WHR1: variants seen among roughly 807,000 people sequenced by gnomAD.
WHR1 encodes the protein winged helix repair factor 1.
chr6:31,975,731 T>C, the WHR1 span, among the ~76,000 whole-genome samples: 1 of 152,170 alleles, frequency 6.6e-6, no homozygotes, highest in Admixed American at 6.5e-5. Context: ...TCCCCACCTT[T>C]TCCCGCTTTC....
the WHR1 span, chr6:31,972,406 C>T: frequency 1.9e-6 from 3 of 1,612,958 alleles, no homozygotes; most frequent in African/African-American, 2.7e-5. The surrounding 1 kb of genome is among the most constrained non-coding windows in gnomAD (Gnocchi z 6.3). Context: ...CATAAAATCC[C>T]GGGATATGAG....
chr6:31,971,693 A>G, the WHR1 span: 3 of 1,587,770 alleles, frequency 1.9e-6, no homozygotes, highest in African/African-American at 2.7e-5. This position sits in a 1 kb window ranked among gnomAD's most constrained non-coding sequence, Gnocchi z 4.5. Context: ...TAAGACAAGC[A>G]GGGGTACAGA....
At chr6:31,979,427 G>C in the WHR1 span, 159 of 1,612,830 alleles carry the variant, frequency 9.9e-5, 1 homozygote, top group Non-Finnish European at 1.3e-4. Context: ...CTCAAGGCCT[G>C]TGATGGCCGA....
At chr6:31,976,317 A>G in the WHR1 span, among the ~76,000 whole-genome samples, 1 of 146,816 alleles carries the variant, frequency 6.8e-6, no homozygotes, top group African/African-American at 2.6e-5. Flanking sequence ...GATGCTCCTC[A>G]CTTCTCAGAC....
At chr6:31,971,479 G>A in the WHR1 span, 1 of 1,614,142 alleles carries the variant, frequency 6.2e-7, no homozygotes, top group Admixed American at 1.7e-5. This position sits in a 1 kb window ranked among gnomAD's most constrained non-coding sequence, Gnocchi z 4.5. Flanking sequence ...GTAGCGCAGG[G>A]CTCGGGCATC....
the WHR1 span, chr6:31,971,743 G>A: frequency 1.1e-5 from 16 of 1,486,454 alleles, no homozygotes; most frequent in East Asian, 2.3e-5. This position sits in a 1 kb window ranked among gnomAD's most constrained non-coding sequence, Gnocchi z 4.5. Context: ...AGGATGACTG[G>A]TTTAGGACTA....
the WHR1 span, among the ~76,000 whole-genome samples, chr6:31,978,249 C>T: frequency 6.6e-6 from 1 of 152,050 alleles, no homozygotes; most frequent in Non-Finnish European, 1.5e-5. Flanking sequence ...GCCTTAGTCT[C>T]CCAAGTAGCT....
chr6:31,974,149 T>G, the WHR1 span, among the ~76,000 whole-genome samples: 1 of 151,834 alleles, frequency 6.6e-6, no homozygotes, highest in Non-Finnish European at 1.5e-5. Context: ...CCAGGCGTGG[T>G]GGTACGCGCC....
the WHR1 span, chr6:31,972,925 A>G: frequency 8.8e-7 from 1 of 1,131,006 alleles, no homozygotes; most frequent in Non-Finnish European, 1.3e-6. The surrounding 1 kb of genome is among the most constrained non-coding windows in gnomAD (Gnocchi z 6.3). Context: ...CGCAGGTAGT[A>G]CAGGGCATTT....
the WHR1 span, among the ~76,000 whole-genome samples, chr6:31,976,029 CG>C: frequency 3.5e-5 from 5 of 141,102 alleles, no homozygotes; most frequent in African/African-American, 8.0e-5. Flanking sequence ...GCTGGCCGGG[CG>C]GGGGGGGCTG....
the WHR1 span, chr6:31,972,712 G>T: frequency 1.2e-6 from 2 of 1,613,706 alleles, no homozygotes; most frequent in Admixed American, 3.3e-5. This position sits in a 1 kb window ranked among gnomAD's most constrained non-coding sequence, Gnocchi z 6.3. Flanking sequence ...TGAGGAGCCA[G>T]GTGTACAGCC....
At chr6:31,972,332 G>T in the WHR1 span, 1 of 1,613,162 alleles carries the variant, frequency 6.2e-7, no homozygotes, top group Admixed American at 1.7e-5. This position sits in a 1 kb window ranked among gnomAD's most constrained non-coding sequence, Gnocchi z 6.3. Context: ...GTACGTCACT[G>T]CTCTGCGCCG....
At chr6:31,971,392 C>T in the WHR1 span, 2 of 1,589,936 alleles carry the variant, frequency 1.3e-6, no homozygotes, top group African/African-American at 1.3e-5. This position sits in a 1 kb window ranked among gnomAD's most constrained non-coding sequence, Gnocchi z 4.5. Flanking sequence ...CTCCTCGTCC[C>T]GGGGCTGGTA....
At chr6:31,979,407 C>T in the WHR1 span, 1 of 1,612,662 alleles carries the variant, frequency 6.2e-7, no homozygotes, top group African/African-American at 1.3e-5. Context: ...CTCATCTCTG[C>T]TTGTAGGTCC....
At chr6:31,971,698 T>C in the WHR1 span, 1 of 1,585,508 alleles carries the variant, frequency 6.3e-7, no homozygotes, top group Non-Finnish European at 8.5e-7. This position sits in a 1 kb window ranked among gnomAD's most constrained non-coding sequence, Gnocchi z 4.5. Context: ...CAAGCAGGGG[T>C]ACAGAGTTTC....
chr6:31,975,803 C>CCAACA, the WHR1 span, among the ~76,000 whole-genome samples: 2 of 152,196 alleles, frequency 1.3e-5, no homozygotes, highest in Non-Finnish European at 2.9e-5. Flanking sequence ...GGCACACCTC[C>CCAACA]CAGATGGGGT....
At chr6:31,977,990 A>G in the WHR1 span, among the ~76,000 whole-genome samples, 1,623 of 150,560 alleles carry the variant, frequency 0.011, 29 homozygotes, top group African/African-American at 0.034. Flanking sequence ...GTTTTACCAT[A>G]TTGGTCAGGC....
At chr6:31,977,118 T>G in the WHR1 span, among the ~76,000 whole-genome samples, 1 of 152,314 alleles carries the variant, frequency 6.6e-6, no homozygotes, top group Admixed American at 6.5e-5. Context: ...GCCCAGTTAC[T>G]TTTGAAAATG....
chr6:31,975,026 TATAAAC>T, the WHR1 span, among the ~76,000 whole-genome samples: 5 of 152,088 alleles, frequency 3.3e-5, no homozygotes, highest in African/African-American at 9.7e-5. Flanking sequence ...AGAATGAAAA[TATAAAC>T]ATATATAATT....
Sources: gnomAD v4.1 joint callset for allele counts (sites outside exome capture counted in the v4.1 genomes callset) on GRCh38, gnomAD v4.1.1 for gene constraint, Gnocchi (gnomAD v3.1) non-coding constraint, MANE v1.5 for transcripts, NCBI Gene and HGNC (gene_info 2026-07-23, HGNC 2026-07-21) for gene names.